Variants in HECW1 observed in about 807,000 individuals in gnomAD.
The protein encoded by HECW1 is HECT, C2 and WW domain containing E3 ubiquitin protein ligase 1.
Under a neutral mutation model 182.3 loss-of-function variants are expected in HECW1, and 61 were observed. The observed-to-expected ratio is 0.33, with a 90% CI of 0.27 to 0.41. The LOEUF (loss-of-function observed/expected upper bound fraction) is 0.41, where lower values mean the gene tolerates loss of function less well. Among genes scored for constraint, HECW1 ranks in the 10% least tolerant of loss-of-function variants. The pLI, the probability that HECW1 is intolerant of heterozygous loss-of-function variation, is 1.00. For synonymous variants in HECW1, 859 were observed against 832.6 expected, an observed-to-expected ratio of 1.03 and a Z score of -0.55; for missense variants, 1,739 against 2,108.9, an observed-to-expected ratio of 0.82 and a Z score of 3.44.
At chr7:43,167,773 C>T in intron 2 of HECW1, among the ~76,000 whole-genome samples, 1 of 152,168 alleles carries the variant, frequency 6.6e-6, no homozygotes, top group South Asian at 2.1e-4. Context: ...TAATGGCTGA[C>T]AAAAGTGTTA....
At chr7:43,518,595 T>A (rs1396620810) in intron 24 of HECW1, among the ~76,000 whole-genome samples, 1 of 151,996 alleles carries the variant, frequency 6.6e-6, no homozygotes, top group Non-Finnish European at 1.5e-5. Flanking sequence ...TGAAAATTAA[T>A]CTTTGCAACT....
intron 2 of HECW1, among the ~76,000 whole-genome samples, chr7:43,134,393 C>CAAAAAAAAA (rs35414360): frequency 2.7e-4 from 24 of 87,724 alleles, no homozygotes; most frequent in East Asian, 6.9e-4. Flanking sequence ...GACTCTGTCT[C>CAAAAAAAAA]AAAAAAAAAA....
chr7:43,528,123 G>A (rs962118392), intron 24 of HECW1, among the ~76,000 whole-genome samples: 1 of 152,170 alleles, frequency 6.6e-6, no homozygotes, highest in Non-Finnish European at 1.5e-5. Context: ...CTGCTTGCCT[G>A]GATAACTAAA....
At chr7:43,437,184 A>G (rs2076739994) in intron 8 of HECW1, among the ~76,000 whole-genome samples, 1 of 152,042 alleles carries the variant, frequency 6.6e-6, no homozygotes, top group Non-Finnish European at 1.5e-5. Flanking sequence ...TACTCTTCGT[A>G]TTCTTCTGTG....
chr7:43,492,485 A>G (rs533901492), intron 18 of HECW1, among the ~76,000 whole-genome samples: 18 of 152,276 alleles, frequency 1.2e-4, no homozygotes, highest in African/African-American at 4.1e-4. Context: ...GCACAAGAGC[A>G]AGGTTTAAAT....
intron 6 of HECW1, among the ~76,000 whole-genome samples, chr7:43,369,449 C>T (rs887889227): frequency 4.0e-5 from 6 of 151,790 alleles, no homozygotes; most frequent in East Asian, 1.9e-4. Context: ...CAAGAGTGAG[C>T]GAAACTCCGT....
intron 24 of HECW1, chr7:43,522,539 G>C (rs1315881206): frequency 6.6e-6 from 1 of 152,610 alleles, no homozygotes; most frequent in Non-Finnish European, 1.5e-5. Flanking sequence ...CTTCATGAAG[G>C]CTGGAGGTTA....
rs796502195 is a variant in HECW1, at chr7:43,319,601, C to CTTTTTTTTT, written c.353-1018_353-1010dup. ...CTGTTCTTTTCCTTTCTTTTCTTTTCTTTTTTTTTTTTTTTTTTTTTTTTG... is the reference window on the plus strand; with the variant it reads ...CTGTTCTTTTCCTTTCTTTTCTTTTCTTTTTTTTTTTTTTTTTTTTTTTTTTTTTTTTTG... On this transcript the variant is annotated intron_variant, in intron 4 of 29. Coordinates refer to ENST00000395891, the MANE Select transcript of HECW1 (RefSeq NM_015052.5). Among the ~76,000 whole-genome samples the CTTTTTTTTT allele has an allele frequency of 2.4e-3, 116 of 47,450 alleles. 5 individuals carry two copies. The highest frequency in any genetic ancestry group is 8.2e-3 in the African/African-American group (65 of 7,892). 31.1% of individuals were successfully genotyped at this position (47,450 alleles called of 152,430 possible). A position where few individuals can be genotyped will look rare whatever the true frequency, so the allele number is the denominator to read the frequency against.
In HECW1 at chr7:43,508,090, C is replaced by G. The variant is rs1001338270; in HGVS notation, c.3825C>G (p.Leu1275=). The change falls in exon 23 of 30, where the codon CTC becomes CTG. Residue 1275 remains leucine (L), a synonymous_variant. Coordinates refer to ENST00000395891, the MANE Select transcript of HECW1 (RefSeq NM_015052.5). ...TGATGGCCTATTCGCGGAAAGAGCTCCAGCGAAACAAGCTCTACGTCACCT... is the reference window on the plus strand; with the variant it reads ...TGATGGCCTATTCGCGGAAAGAGCTGCAGCGAAACAAGCTCTACGTCACCT... The part of the protein sequence containing the change: ...NQVMAYSRKE[L]QRNKLYVTFV... 5.0e-6 allele frequency: 8 copies of G among 1,613,764 alleles called. No homozygotes were observed. Among genetic ancestry groups the G allele is most frequent in the Non-Finnish European group, 6.8e-6 (8 of 1,179,872 alleles).
intron 24 of HECW1, among the ~76,000 whole-genome samples, chr7:43,516,989 G>A (rs77962581): frequency 0.14 from 20,688 of 152,198 alleles, 1,851 homozygotes; most frequent in South Asian, 0.2. Flanking sequence ...GGGCAGCTCC[G>A]TTATAATCTT....
intron 2 of HECW1, among the ~76,000 whole-genome samples, chr7:43,119,863 AT>A (rs1785410845): frequency 6.6e-6 from 1 of 152,148 alleles, no homozygotes; most frequent in African/African-American, 2.4e-5. Flanking sequence ...CAGCACAGCC[AT>A]CCCCGTCTAA....
At chr7:43,546,926 T>C (rs2081588117) in intron 26 of HECW1, among the ~76,000 whole-genome samples, 1 of 152,230 alleles carries the variant, frequency 6.6e-6, no homozygotes, top group Non-Finnish European at 1.5e-5. Context: ...TGGTGCTTTT[T>C]TTCCAGAACG....
chr7:43,283,134 A>AG (rs1354951925), intron 3 of HECW1, among the ~76,000 whole-genome samples: 1 of 151,446 alleles, frequency 6.6e-6, no homozygotes, highest in African/African-American at 2.4e-5. Context: ...AAAAAAAAAA[A>AG]GAAAGAAAGA....
rs561193114 is a variant in HECW1, at chr7:43,254,167, A to G, written c.27+10235A>G. On this transcript the variant is annotated intron_variant, in intron 3 of 29. Transcript: ENST00000395891. Reference sequence around the variant, plus strand: ...CAGATTAGATGAACAATTGCCTGGGAAGCGTCTTTGTTTCCTGAGTCAGGC... The same window carrying G: ...CAGATTAGATGAACAATTGCCTGGGGAGCGTCTTTGTTTCCTGAGTCAGGC... 6.1e-3 allele frequency among the ~76,000 whole-genome samples: 924 copies of G among 152,312 alleles called. 10 individuals carry two copies. The highest frequency in any genetic ancestry group is 0.022 in the African/African-American group (897 of 41,558).
intron 8 of HECW1, among the ~76,000 whole-genome samples, chr7:43,418,949 G>A (rs545978104): frequency 6.6e-6 from 1 of 152,252 alleles, no homozygotes; most frequent in East Asian, 1.9e-4. Flanking sequence ...AATTGATTTG[G>A]CGCAGCTCCT....
chr7:43,137,389 T>C (rs576340843), intron 2 of HECW1, among the ~76,000 whole-genome samples: 1 of 152,326 alleles, frequency 6.6e-6, no homozygotes, highest in East Asian at 1.9e-4. Context: ...CCCACATTCA[T>C]CATTCATCCA....
chr7:43,326,873 A>G (rs1810861235), intron 5 of HECW1, among the ~76,000 whole-genome samples: 2 of 152,224 alleles, frequency 1.3e-5, no homozygotes, highest in Non-Finnish European at 2.9e-5. Flanking sequence ...CCCTGCGGCG[A>G]AGCAGCCAGA....
At chr7:43,134,254 C>A (rs187055255) in intron 2 of HECW1, among the ~76,000 whole-genome samples, 13 of 151,682 alleles carry the variant, frequency 8.6e-5, no homozygotes, top group African/African-American at 2.9e-4. Flanking sequence ...AGTAGCCGGG[C>A]GTGGTGGTGC....
intron 2 of HECW1, among the ~76,000 whole-genome samples, chr7:43,166,208 C>A (rs1791092379): frequency 1.3e-5 from 2 of 152,166 alleles, no homozygotes; most frequent in Non-Finnish European, 2.9e-5. Flanking sequence ...CTCAGCCTCC[C>A]AAGTAGCTGG....
Sources: allele counts gnomAD v4.1 joint callset (sites outside exome capture counted in the v4.1 genomes callset), GRCh38; gene constraint gnomAD v4.1.1; transcripts MANE v1.5; gene names NCBI Gene and HGNC (gene_info 2026-07-23, HGNC 2026-07-21).